The following GABRB1 variants were observed in gnomAD, a reference collection of about 807,000 sequenced individuals.
The protein encoded by GABRB1 is gamma-aminobutyric acid type A receptor subunit beta1.
In GABRB1, 17 loss-of-function variants were observed where a neutral mutation model predicts 51.6. The ratio of observed to expected loss-of-function variants is 0.33; its 90% CI spans 0.23 to 0.49. The LOEUF is 0.49. Among genes scored for constraint, GABRB1 ranks in the 20% least tolerant of loss-of-function variants. The probability of loss-of-function intolerance (pLI) is 0.99; values close to 1 mark genes in which losing one functional copy is unlikely to be tolerated. For synonymous variants in GABRB1, 247 were observed against 218.9 expected, an observed-to-expected ratio of 1.13 and a Z score of -1.14; for missense variants, 410 against 600.6, an observed-to-expected ratio of 0.68 and a Z score of 3.32.
chr4:47,315,408 A>G (rs1724848211), intron 4 of GABRB1, among the ~76,000 whole-genome samples: 1 of 152,032 alleles, frequency 6.6e-6, no homozygotes, highest in African/African-American at 2.4e-5. Context: ...GCAGAGAAAA[A>G]GGAAAATTTA....
At chr4:47,160,994 C>A (rs142892545) in intron 3 of GABRB1, among the ~76,000 whole-genome samples, 4 of 151,840 alleles carry the variant, frequency 2.6e-5, no homozygotes, top group African/African-American at 7.2e-5. Flanking sequence ...GGTCTCATAA[C>A]GTTCCGTAGG....
At chr4:47,037,907 G>T (rs1413794878) in intron 3 of GABRB1, among the ~76,000 whole-genome samples, 1 of 152,114 alleles carries the variant, frequency 6.6e-6, no homozygotes, top group Admixed American at 6.5e-5. Context: ...GTCAAAATTT[G>T]AAACCAGGCA....
chr4:47,237,146 A>G (rs182439208), intron 4 of GABRB1, among the ~76,000 whole-genome samples: 1 of 152,164 alleles, frequency 6.6e-6, no homozygotes, highest in East Asian at 1.9e-4. Context: ...GAAAAAGGTT[A>G]TAATTTTTAA....
At chr4:47,297,750 T>C (rs1241798915) in intron 4 of GABRB1, among the ~76,000 whole-genome samples, 2 of 152,262 alleles carry the variant, frequency 1.3e-5, no homozygotes, top group East Asian at 3.9e-4. Flanking sequence ...CCTCCCTAAC[T>C]CATTTTATGA....
chr4:47,185,746 G>T (rs546057529), intron 4 of GABRB1, among the ~76,000 whole-genome samples: 1 of 151,898 alleles, frequency 6.6e-6, no homozygotes, highest in South Asian at 2.1e-4. Flanking sequence ...ATATGTAATT[G>T]TATGTAAAGC....
At chr4:47,021,250 A>G (rs1436824593) in intron 1 of GABRB1, among the ~76,000 whole-genome samples, 4 of 152,148 alleles carry the variant, frequency 2.6e-5, no homozygotes. Flanking sequence ...TTATTTATTC[A>G]TCTATTCAAC....
intron 4 of GABRB1, among the ~76,000 whole-genome samples, chr4:47,216,489 C>G (rs1402208442): frequency 6.6e-6 from 1 of 151,882 alleles, no homozygotes; most frequent in Non-Finnish European, 1.5e-5. Context: ...CATTTAGCAT[C>G]AGGGCTCTTT....
intron 4 of GABRB1, among the ~76,000 whole-genome samples, chr4:47,246,390 ATATAT>A (rs1721761687): frequency 9.1e-5 from 6 of 65,900 alleles, no homozygotes; most frequent in African/African-American, 3.4e-4. Context: ...ATATATATAT[ATATAT>A]AAAATACCAC....
At chr4:46,999,419 C>G (rs1724114902) in intron 1 of GABRB1, among the ~76,000 whole-genome samples, 1 of 152,084 alleles carries the variant, frequency 6.6e-6, no homozygotes, top group African/African-American at 2.4e-5. Context: ...CAAACATGTT[C>G]ATGAGGAGAC....
chr4:47,296,707 GA>G (rs1724012357), intron 4 of GABRB1, among the ~76,000 whole-genome samples: 2 of 152,154 alleles, frequency 1.3e-5, no homozygotes, highest in South Asian at 4.2e-4. Flanking sequence ...CAACGAGACA[GA>G]AAGTTAACAA....
intron 4 of GABRB1, among the ~76,000 whole-genome samples, chr4:47,241,296 G>A (rs73815420): frequency 6.6e-6 from 1 of 152,100 alleles, no homozygotes. Context: ...AAATGTTGTA[G>A]GATGAGACTG....
At chr4:47,239,856 A>G (rs977595236) in intron 4 of GABRB1, among the ~76,000 whole-genome samples, 2 of 152,138 alleles carry the variant, frequency 1.3e-5, no homozygotes, top group Non-Finnish European at 2.9e-5. Context: ...CATGGCTGAC[A>G]ATCACCCTAT....
intron 8 of GABRB1, among the ~76,000 whole-genome samples, chr4:47,418,387 C>A (rs1473565946): frequency 1.3e-5 from 2 of 152,204 alleles, no homozygotes; most frequent in Non-Finnish European, 2.9e-5. Flanking sequence ...TTCTACAGTG[C>A]AGTGTGGAGA....
intron 4 of GABRB1, among the ~76,000 whole-genome samples, chr4:47,312,053 G>A (rs901526588): frequency 7.0e-6 from 1 of 142,174 alleles, no homozygotes; most frequent in Non-Finnish European, 1.6e-5. Context: ...GTGTGTGTGT[G>A]TGTGTGTGTG....
intron 5 of GABRB1, among the ~76,000 whole-genome samples, chr4:47,380,986 C>A (rs1727574800): frequency 6.6e-6 from 1 of 152,118 alleles, no homozygotes. Flanking sequence ...TACAGTAACA[C>A]CAGGATGGTT....
At chr4:47,376,591 G>A (rs1185506022) in intron 5 of GABRB1, among the ~76,000 whole-genome samples, 1 of 152,188 alleles carries the variant, frequency 6.6e-6, no homozygotes, top group Non-Finnish European at 1.5e-5. Flanking sequence ...AGCTTGCAGT[G>A]AGCCGAGACC....
At chr4:47,103,724 G>C (rs1185932909) in intron 3 of GABRB1, among the ~76,000 whole-genome samples, 1 of 151,714 alleles carries the variant, frequency 6.6e-6, no homozygotes, top group Non-Finnish European at 1.5e-5. Flanking sequence ...TAATTTTGGG[G>C]TCTATAATAG....
At chr4:47,039,110 G>A (rs1339300929) in intron 3 of GABRB1, among the ~76,000 whole-genome samples, 1 of 151,902 alleles carries the variant, frequency 6.6e-6, no homozygotes, top group Non-Finnish European at 1.5e-5. Flanking sequence ...ATTCATATCA[G>A]TGGTGAAATC....
chr4:47,415,887 G>A (rs935426487), intron 8 of GABRB1, among the ~76,000 whole-genome samples: 2 of 152,152 alleles, frequency 1.3e-5, no homozygotes, highest in Non-Finnish European at 2.9e-5. Flanking sequence ...CACCTCTGCA[G>A]GTGTCCTTGG....
Sources: gnomAD v4.1 joint callset for allele counts (sites outside exome capture counted in the v4.1 genomes callset) on GRCh38, gnomAD v4.1.1 for gene constraint, MANE v1.5 for transcripts, NCBI Gene and HGNC (gene_info 2026-07-23, HGNC 2026-07-21) for gene names.